The following CTNNA3 variants were observed in gnomAD, a reference collection of about 807,000 sequenced individuals.
CTNNA3 encodes the protein catenin alpha 3.
CTNNA3 carries 76 observed loss-of-function variants against 95.7 expected under a neutral mutation model. That is an observed-to-expected ratio of 0.79 (90% CI 0.66 to 0.96). The LOEUF (loss-of-function observed/expected upper bound fraction) is 0.96, where lower values mean the gene tolerates loss of function less well. Ranked by LOEUF, CTNNA3 falls within the 40% of genes least tolerant of loss-of-function variation. CTNNA3 has a pLI of 0.00. For synonymous variants in CTNNA3, 431 were observed against 374.4 expected, an observed-to-expected ratio of 1.15 and a Z score of -1.74; for missense variants, 1,191 against 1,089.8, an observed-to-expected ratio of 1.09 and a Z score of -1.31.
chr10:67,637,584 GA>G (rs1236195071), intron 2 of CTNNA3, among the ~76,000 whole-genome samples: 2 of 152,162 alleles, frequency 1.3e-5, no homozygotes, highest in Non-Finnish European at 2.9e-5. Context: ...AAGTTGAAAT[GA>G]AGGAAAAAAT....
intron 5 of CTNNA3, among the ~76,000 whole-genome samples, chr10:67,314,332 G>C (rs952900870): frequency 6.6e-6 from 1 of 152,176 alleles, no homozygotes; most frequent in African/African-American, 2.4e-5. Context: ...CTGAGGTCAA[G>C]TATGGAATTC....
Position 67,574,666 on chromosome 10 carries a change from T to A in CTNNA3, c.292+32191A>T, listed in dbSNP as rs1842087119. Among the ~76,000 whole-genome samples, 3 of 150,800 alleles carry A rather than the reference T, an allele frequency of 2.0e-5. No homozygotes were observed. The South Asian group carries it at 6.3e-4, about 32-fold the overall frequency. ...TGCGATCTCTGCTCACCACAACCTC[T>A]GCCTCCTGGGTTCAAGCTATTCTCG... On this transcript the variant is annotated intron_variant, in intron 3 of 17. Coordinates refer to ENST00000433211, the MANE Select transcript of CTNNA3 (RefSeq NM_013266.4).
At chr10:67,546,867 A>C (rs1008881507) in intron 3 of CTNNA3, among the ~76,000 whole-genome samples, 8 of 152,292 alleles carry the variant, frequency 5.3e-5, no homozygotes, top group Middle Eastern at 3.4e-3. Flanking sequence ...CCATGAATAC[A>C]CTTAAATTAT....
At chr10:67,292,195 C>T (rs371166891) in intron 5 of CTNNA3, among the ~76,000 whole-genome samples, 5 of 152,056 alleles carry the variant, frequency 3.3e-5, no homozygotes, top group African/African-American at 1.2e-4. Flanking sequence ...CCAGTTTTTA[C>T]ACAGCAGGGC....
intron 13 of CTNNA3, among the ~76,000 whole-genome samples, chr10:66,272,373 A>C (rs987590007): frequency 6.6e-6 from 1 of 152,216 alleles, no homozygotes; most frequent in Non-Finnish European, 1.5e-5. Flanking sequence ...ACATTAAATA[A>C]ATTGGAAATG....
intron 5 of CTNNA3, among the ~76,000 whole-genome samples, chr10:67,406,780 G>A (rs1845152799): frequency 6.6e-6 from 1 of 151,960 alleles, no homozygotes; most frequent in Non-Finnish European, 1.5e-5. Context: ...ATGAGAGAAT[G>A]TTATGAACAC....
chr10:66,296,345 GA>G (rs1318708151), intron 12 of CTNNA3, among the ~76,000 whole-genome samples: 1 of 151,996 alleles, frequency 6.6e-6, no homozygotes, highest in African/African-American at 2.4e-5. Context: ...AACTATAAAG[GA>G]ATTTCATTTT....
At chr10:66,453,580 T>G (rs2093478310) in intron 11 of CTNNA3, among the ~76,000 whole-genome samples, 1 of 152,344 alleles carries the variant, frequency 6.6e-6, no homozygotes, top group East Asian at 1.9e-4. Context: ...CTCCAAACCA[T>G]GCTTATGTGG....
intron 5 of CTNNA3, among the ~76,000 whole-genome samples, chr10:67,364,823 C>T (rs539927325): frequency 2.0e-5 from 3 of 152,102 alleles, no homozygotes; most frequent in Non-Finnish European, 4.4e-5. Context: ...ACATTCAATG[C>T]CATACCCATC....
chr10:67,081,279 C>T (rs73256499), intron 7 of CTNNA3, among the ~76,000 whole-genome samples: 10,184 of 152,094 alleles, frequency 0.067, 404 homozygotes, highest in South Asian at 0.18. Flanking sequence ...ATATACTGAA[C>T]AGTGATATGA....
At chr10:66,132,828 T>G (rs1039252393) in intron 13 of CTNNA3, among the ~76,000 whole-genome samples, 1 of 152,108 alleles carries the variant, frequency 6.6e-6, no homozygotes, top group Non-Finnish European at 1.5e-5. Flanking sequence ...TGTTCTCACT[T>G]ATAGGTGGGA....
intron 7 of CTNNA3, among the ~76,000 whole-genome samples, chr10:67,168,946 A>C (rs1432918639): frequency 6.6e-6 from 1 of 152,164 alleles, no homozygotes; most frequent in African/African-American, 2.4e-5. Flanking sequence ...AAATTTTAGT[A>C]AACAAAATTG....
chr10:67,321,917 G>T (rs925867667), intron 5 of CTNNA3, among the ~76,000 whole-genome samples: 10 of 151,958 alleles, frequency 6.6e-5, no homozygotes, highest in Admixed American at 5.9e-4. Context: ...TGGAATATTT[G>T]TGTCATATTA....
chr10:65,985,208 A>C (rs2078404050), intron 16 of CTNNA3, among the ~76,000 whole-genome samples: 2 of 151,148 alleles, frequency 1.3e-5, no homozygotes, highest in African/African-American at 4.8e-5. Context: ...AAAGAAGCCC[A>C]AAAACCTTTC....
At chr10:67,547,676 A>G (rs187434951) in intron 3 of CTNNA3, among the ~76,000 whole-genome samples, 107 of 152,336 alleles carry the variant, frequency 7.0e-4, no homozygotes, top group African/African-American at 2.3e-3. Context: ...AATGTGGCCA[A>G]CTGTACATAC....
rs867378467 is a variant in CTNNA3, at chr10:67,742,795, C to T, written c.-2+20639G>A. Among the ~76,000 whole-genome samples, 67 of 150,800 alleles carry T rather than the reference C, an allele frequency of 4.4e-4. 3 individuals are homozygous for T. The highest frequency in any genetic ancestry group is 7.3e-4 in the Non-Finnish European group (49 of 67,544). Reference sequence around the variant, plus strand: ...AGAAAAGAGAGAAGAATCAAATAGACGCAATAAAAAATGATAAAGGGGATA... The same window carrying T: ...AGAAAAGAGAGAAGAATCAAATAGATGCAATAAAAAATGATAAAGGGGATA... On this transcript the variant is annotated intron_variant, in intron 1 of 17. Coordinates refer to the CTNNA3 transcript ENST00000684154.
chr10:66,445,017 C>T (rs12414125), intron 11 of CTNNA3, among the ~76,000 whole-genome samples: 62,206 of 151,050 alleles, frequency 0.41, 13,845 homozygotes, highest in East Asian at 0.6. Flanking sequence ...AGGCAGGGGT[C>T]GCAATCCTAG....
At chr10:67,486,855 A>G (rs1848469283) in intron 5 of CTNNA3, among the ~76,000 whole-genome samples, 1 of 152,182 alleles carries the variant, frequency 6.6e-6, no homozygotes, top group Non-Finnish European at 1.5e-5. Context: ...GGTTAAGTAA[A>G]TTCATTTTCT....
intron 5 of CTNNA3, among the ~76,000 whole-genome samples, chr10:67,414,390 T>C (rs977386587): frequency 8.6e-5 from 13 of 152,034 alleles, no homozygotes; most frequent in Admixed American, 8.5e-4. Context: ...CATGAAGAAA[T>C]TGAAACTCTG....
Sources: allele counts gnomAD v4.1 joint callset (sites outside exome capture counted in the v4.1 genomes callset), GRCh38; gene constraint gnomAD v4.1.1; transcripts MANE v1.5; gene names NCBI Gene and HGNC (gene_info 2026-07-23, HGNC 2026-07-21).